The following SPOCK1 variants were observed in gnomAD, a reference collection of about 807,000 sequenced individuals.
The protein encoded by SPOCK1 is SPARC (osteonectin), cwcv and kazal like domains proteoglycan 1.
Under a neutral mutation model 55.3 loss-of-function variants are expected in SPOCK1, and 23 were observed. That is an observed-to-expected ratio of 0.42 (90% CI 0.30 to 0.59). The LOEUF (loss-of-function observed/expected upper bound fraction) is 0.59. Ranked by LOEUF, SPOCK1 falls within the 20% of genes least tolerant of loss-of-function variation. The probability of loss-of-function intolerance (pLI) is 0.22; values close to 1 mark genes in which losing one functional copy is unlikely to be tolerated. For missense variants in SPOCK1, 499 were observed against 552.5 expected (o/e 0.90, Z 0.97); for synonymous variants, 226 against 221.0 (o/e 1.02, Z -0.20).
chr5:137,401,036 G>C (rs541400987), intron 2 of SPOCK1, among the ~76,000 whole-genome samples: 1 of 152,196 alleles, frequency 6.6e-6, no homozygotes, highest in African/African-American at 2.4e-5. Flanking sequence ...AGTGCACAGA[G>C]AGGGCCTGTC....
intron 2 of SPOCK1, among the ~76,000 whole-genome samples, chr5:137,496,357 A>C (rs1754299294): frequency 6.6e-6 from 1 of 152,244 alleles, no homozygotes; most frequent in Non-Finnish European, 1.5e-5. Flanking sequence ...ATTTTAAAAA[A>C]TTTAAAGCTA....
intron 3 of SPOCK1, among the ~76,000 whole-genome samples, chr5:137,176,223 G>A (rs534294855): frequency 3.9e-5 from 6 of 152,248 alleles, no homozygotes; most frequent in South Asian, 4.1e-4. Context: ...AAGAAAGACC[G>A]TGTTCCTTAA....
intron 5 of SPOCK1, among the ~76,000 whole-genome samples, chr5:137,100,765 G>C (rs1411220747): frequency 5.9e-5 from 9 of 151,984 alleles, no homozygotes; most frequent in Admixed American, 5.9e-4. Flanking sequence ...GCACCTTCCT[G>C]GACAGAATCT....
At chr5:137,229,501 C>A (rs1389263511) in intron 3 of SPOCK1, among the ~76,000 whole-genome samples, 1 of 152,156 alleles carries the variant, frequency 6.6e-6, no homozygotes, top group Non-Finnish European at 1.5e-5. Flanking sequence ...GACACTCTCA[C>A]TTGAATCACA....
chr5:137,464,828 C>T (rs1455235676), intron 2 of SPOCK1, among the ~76,000 whole-genome samples: 1 of 151,982 alleles, frequency 6.6e-6, no homozygotes, highest in South Asian at 2.1e-4. Flanking sequence ...ACTGGAGACA[C>T]GTATTGGAGT....
intron 2 of SPOCK1, among the ~76,000 whole-genome samples, chr5:137,449,202 C>A (rs762727054): frequency 2.6e-5 from 4 of 152,166 alleles, no homozygotes; most frequent in Non-Finnish European, 4.4e-5. Context: ...CTCAACTGAC[C>A]CAAGGGCCCA....
intron 2 of SPOCK1, among the ~76,000 whole-genome samples, chr5:137,435,877 G>T (rs1411938268): frequency 1.3e-5 from 2 of 151,580 alleles, no homozygotes; most frequent in African/African-American, 4.9e-5. Flanking sequence ...AATTTTAGCT[G>T]GGCGCGGTGG....
intron 2 of SPOCK1, among the ~76,000 whole-genome samples, chr5:137,380,248 T>A (rs1283988305): frequency 1.3e-5 from 2 of 152,102 alleles, no homozygotes; most frequent in Non-Finnish European, 2.9e-5. Flanking sequence ...TTAGACAACA[T>A]CCAAAGCTAA....
At chr5:137,357,984 A>C (rs544901963) in intron 2 of SPOCK1, among the ~76,000 whole-genome samples, 3 of 152,098 alleles carry the variant, frequency 2.0e-5, no homozygotes, top group Non-Finnish European at 2.9e-5. Context: ...GACACAAATG[A>C]GAAAAAAAAA....
intron 4 of SPOCK1, among the ~76,000 whole-genome samples, chr5:137,130,979 A>C (rs925730761): frequency 1.3e-5 from 2 of 152,234 alleles, no homozygotes; most frequent in African/African-American, 4.8e-5. Flanking sequence ...AGAACACTCT[A>C]TTTAAAGCAA....
intron 3 of SPOCK1, among the ~76,000 whole-genome samples, chr5:137,142,180 G>A (rs2127052579): frequency 6.6e-6 from 1 of 152,274 alleles, no homozygotes; most frequent in South Asian, 2.1e-4. Flanking sequence ...AGCAGGTATA[G>A]CAAAACTTCT....
chr5:137,239,055 C>T (rs1756235535), intron 3 of SPOCK1, among the ~76,000 whole-genome samples: 1 of 152,194 alleles, frequency 6.6e-6, no homozygotes, highest in African/African-American at 2.4e-5. Flanking sequence ...AGGATGGGGG[C>T]TGGTTTCCAG....
At chr5:137,249,176 C>A (rs948081442) in intron 3 of SPOCK1, among the ~76,000 whole-genome samples, 1 of 152,182 alleles carries the variant, frequency 6.6e-6, no homozygotes, top group African/African-American at 2.4e-5. Context: ...AAATAACTTG[C>A]TTGAGAGTTA....
chr5:137,408,705 T>C (rs1752150311), intron 2 of SPOCK1, among the ~76,000 whole-genome samples: 2 of 152,160 alleles, frequency 1.3e-5, no homozygotes, highest in Admixed American at 1.3e-4. Context: ...CTGCAGCTCA[T>C]TTTCTAATGT....
intron 5 of SPOCK1, among the ~76,000 whole-genome samples, chr5:137,072,939 T>G (rs1361010998): frequency 6.6e-6 from 1 of 152,172 alleles, no homozygotes; most frequent in Admixed American, 6.5e-5. Flanking sequence ...CTTTAATAAT[T>G]GGGCAGGAAG....
At chr5:137,431,962 C>T (rs1752755684) in intron 2 of SPOCK1, among the ~76,000 whole-genome samples, 1 of 152,170 alleles carries the variant, frequency 6.6e-6, no homozygotes, top group Admixed American at 6.5e-5. Context: ...AGATAAATAA[C>T]TACTCAAATG....
intron 3 of SPOCK1, among the ~76,000 whole-genome samples, chr5:137,174,783 A>G (rs1319807685): frequency 1.3e-5 from 2 of 152,220 alleles, no homozygotes; most frequent in African/African-American, 4.8e-5. Context: ...GGTGTCAGGG[A>G]AGTCCTGGCC....
At chr5:137,248,800 T>C (rs1171468533) in intron 3 of SPOCK1, among the ~76,000 whole-genome samples, 2 of 152,350 alleles carry the variant, frequency 1.3e-5, no homozygotes, top group South Asian at 2.1e-4. Context: ...CATCAATTAA[T>C]GTATAAGCTA....
At chr5:137,396,408 A>G (rs1751849570) in intron 2 of SPOCK1, among the ~76,000 whole-genome samples, 1 of 152,224 alleles carries the variant, frequency 6.6e-6, no homozygotes, top group Non-Finnish European at 1.5e-5. Context: ...TGTGGCTTCA[A>G]ATGGATTATC....
Sources: allele counts gnomAD v4.1 joint callset (sites outside exome capture counted in the v4.1 genomes callset), GRCh38; gene constraint gnomAD v4.1.1; transcripts MANE v1.5; gene names NCBI Gene and HGNC (gene_info 2026-07-23, HGNC 2026-07-21).